USP32: variants seen among roughly 807,000 people sequenced by gnomAD.
The protein encoded by USP32 is ubiquitin specific peptidase 32.
In USP32, 59 loss-of-function variants were observed where a neutral mutation model predicts 204.8. That is an observed-to-expected ratio of 0.29 (90% CI 0.23 to 0.36). USP32 has a LOEUF of 0.36. USP32 is among the 10% of genes least tolerant of loss of function. The pLI, the probability that USP32 is intolerant of heterozygous loss-of-function variation, is 1.00. For synonymous variants in USP32, 517 were observed against 678.4 expected (o/e 0.76, Z 3.70); for missense variants, 1,160 against 1,946.4 (o/e 0.60, Z 7.60).
intron 1 of USP32, among the ~76,000 whole-genome samples, chr17:60,412,917 C>T (rs1335199176): frequency 2.6e-5 from 4 of 152,128 alleles, no homozygotes; most frequent in Admixed American, 6.6e-5. Context: ...AGATCACAGA[C>T]GCTTGCATAT....
At chr17:60,249,851 C>A in intron 11 of USP32, 1 of 476,144 alleles carries the variant, frequency 2.1e-6, no homozygotes, top group Non-Finnish European at 3.8e-6. Flanking sequence ...AATCACGATA[C>A]TTTTTTTTTT....
intron 2 of USP32, among the ~76,000 whole-genome samples, chr17:60,315,073 T>A (rs1208985432): frequency 6.6e-6 from 1 of 152,176 alleles, no homozygotes; most frequent in Non-Finnish European, 1.5e-5. Context: ...CACAATGACA[T>A]ACCACTTCAC....
chr17:60,285,165 CAAGT>C (rs1192896701), intron 5 of USP32, among the ~76,000 whole-genome samples: 12 of 152,092 alleles, frequency 7.9e-5, no homozygotes, highest in African/African-American at 2.9e-4. Flanking sequence ...CATACAATCA[CAAGT>C]AAAAGTGAAA....
intron 18 of USP32, among the ~76,000 whole-genome samples, chr17:60,212,799 G>A (rs775858497): frequency 9.2e-5 from 14 of 151,620 alleles, no homozygotes; most frequent in Non-Finnish European, 1.2e-4. Flanking sequence ...GTCCCCCCAG[G>A]TTGGAGTGCA....
chr17:60,389,993 G>A (rs1055445877), intron 1 of USP32, among the ~76,000 whole-genome samples: 3 of 152,064 alleles, frequency 2.0e-5, no homozygotes, highest in African/African-American at 4.8e-5. Context: ...CTCCAGCCTG[G>A]GCAACAGAGC....
intron 5 of USP32, among the ~76,000 whole-genome samples, chr17:60,281,075 CT>C (rs2086955706): frequency 6.6e-6 from 1 of 152,228 alleles, no homozygotes; most frequent in Non-Finnish European, 1.5e-5. Context: ...AAGAAAAACA[CT>C]GTCTTTCCAC....
At chr17:60,295,376 C>T (rs768995042) in intron 3 of USP32, among the ~76,000 whole-genome samples, 3 of 152,076 alleles carry the variant, frequency 2.0e-5, no homozygotes, top group African/African-American at 4.8e-5. Context: ...AGAGGAAAAG[C>T]AAATGACAAA....
intron 1 of USP32, among the ~76,000 whole-genome samples, chr17:60,389,697 T>C (rs1318530530): frequency 6.6e-6 from 1 of 151,986 alleles, no homozygotes; most frequent in Non-Finnish European, 1.5e-5. Flanking sequence ...TGCTTTAATT[T>C]TCCTCTAAAG....
chr17:60,338,408 C>A (rs1360086677), intron 2 of USP32, among the ~76,000 whole-genome samples: 5 of 151,546 alleles, frequency 3.3e-5, no homozygotes, highest in Admixed American at 3.3e-4. Flanking sequence ...GAGGTGGCAC[C>A]CTAAAGAAAA....
At chr17:60,338,098 C>A (rs2088566795) in intron 2 of USP32, among the ~76,000 whole-genome samples, 1 of 152,144 alleles carries the variant, frequency 6.6e-6, no homozygotes, top group East Asian at 1.9e-4. Context: ...CTAGGACAGG[C>A]AGATAGCTTG....
intron 11 of USP32, among the ~76,000 whole-genome samples, chr17:60,237,315 T>C (rs2085758123): frequency 6.6e-6 from 1 of 151,348 alleles, no homozygotes; most frequent in South Asian, 2.1e-4. Context: ...TTTTTTTTTT[T>C]TTTTTTTTTT....
intron 12 of USP32, among the ~76,000 whole-genome samples, chr17:60,227,888 G>T (rs2085437982): frequency 2.0e-5 from 3 of 152,000 alleles, no homozygotes; most frequent in African/African-American, 7.2e-5. Flanking sequence ...AATTATTTAT[G>T]TAAGTTAACT....
In USP32 at chr17:60,342,327, G is replaced by A. The variant is rs114077760; in HGVS notation, c.186+3154C>T. Among the ~76,000 whole-genome samples, 1,440 of 152,274 alleles carry A rather than the reference G, an allele frequency of 9.5e-3. 30 individuals carry two copies. Among genetic ancestry groups the A allele is most frequent in the African/African-American group, 0.033 (1,384 of 41,564 alleles). On this transcript the variant is annotated intron_variant, in intron 2 of 33. Transcript: ENST00000300896. ...TTCCCAAAGGGGCACCTGCCTATAT[G>A]AGGTGTCTGTAGGCCCCTACTCAGA...
intron 1 of USP32, among the ~76,000 whole-genome samples, chr17:60,380,664 T>C (rs753513602): frequency 1.3e-5 from 2 of 152,190 alleles, no homozygotes; most frequent in Non-Finnish European, 2.9e-5. Context: ...TACATAGGAA[T>C]ACACATGTCA....
intron 11 of USP32, chr17:60,248,940 G>A (rs1429097698): frequency 6.6e-6 from 1 of 152,082 alleles, no homozygotes; most frequent in Non-Finnish European, 1.5e-5. Context: ...TAGCAACTCT[G>A]GATTCTGAAC....
intron 11 of USP32, among the ~76,000 whole-genome samples, chr17:60,248,778 CTT>C (rs1567801421): frequency 6.6e-6 from 1 of 152,170 alleles, no homozygotes; most frequent in African/African-American, 2.4e-5. Flanking sequence ...GTATTGAAGT[CTT>C]TGTGTGCTAA....
intron 1 of USP32, among the ~76,000 whole-genome samples, chr17:60,356,687 A>C (rs2089086507): frequency 6.6e-6 from 1 of 152,192 alleles, no homozygotes; most frequent in Admixed American, 6.6e-5. Context: ...ACAAACCTTA[A>C]GGTAGGGAAT....
At chr17:60,247,883 A>G (rs2086074256) in intron 11 of USP32, among the ~76,000 whole-genome samples, 1 of 151,994 alleles carries the variant, frequency 6.6e-6, no homozygotes, top group African/African-American at 2.4e-5. Context: ...ACGGGGTTTC[A>G]CCGCGTTAGC....
chr17:60,298,336 G>C (rs967509420), intron 3 of USP32, among the ~76,000 whole-genome samples: 13 of 152,296 alleles, frequency 8.5e-5, no homozygotes, highest in African/African-American at 3.1e-4. Flanking sequence ...TTCTCAGCCT[G>C]TCAAAATGGC....
Sources: allele counts gnomAD v4.1 joint callset (sites outside exome capture counted in the v4.1 genomes callset), GRCh38; gene constraint gnomAD v4.1.1; transcripts MANE v1.5; gene names NCBI Gene and HGNC (gene_info 2026-07-23, HGNC 2026-07-21).